Variants in NVL observed in about 807,000 individuals in gnomAD.
NVL encodes nuclear VCP like.
In NVL, 84 loss-of-function variants were observed where a neutral mutation model predicts 110.2. The ratio of observed to expected loss-of-function variants is 0.76; its 90% CI spans 0.64 to 0.91. The LOEUF (loss-of-function observed/expected upper bound fraction) is 0.91. Among genes scored for constraint, NVL ranks in the 40% least tolerant of loss-of-function variants. The pLI is 0.00. For synonymous variants in NVL, 354 were observed against 361.1 expected, an observed-to-expected ratio of 0.98 and a Z score of 0.22; for missense variants, 882 against 1,035.9, an observed-to-expected ratio of 0.85 and a Z score of 2.04.
intron 2 of NVL, among the ~76,000 whole-genome samples, chr1:224,325,211 G>T (rs1053304871): frequency 6.6e-6 from 1 of 151,186 alleles, no homozygotes; most frequent in African/African-American, 2.4e-5. Flanking sequence ...GCAGTGAGCC[G>T]AGATCGCGCC....
chr1:224,253,292 C>G (rs1662724220), intron 18 of NVL, among the ~76,000 whole-genome samples: 1 of 151,604 alleles, frequency 6.6e-6, no homozygotes, highest in Admixed American at 6.6e-5. Flanking sequence ...CCTCATGATC[C>G]ACCCGCCTTA....
intron 21 of NVL, 68 bp downstream of exon 21, chr1:224,233,133 C>A: frequency 7.4e-7 from 1 of 1,360,368 alleles, no homozygotes; most frequent in South Asian, 1.3e-5. Flanking sequence ...AGAAAATGGT[C>A]ATTTTCCAGG....
At chr1:224,285,926 T>G in intron 15 of NVL, 100 bp downstream of exon 15, 3 of 776,208 alleles carry the variant, frequency 3.9e-6, no homozygotes, top group Non-Finnish European at 6.0e-6. Flanking sequence ...TGATAAAAAT[T>G]ATGCATAAGA....
rs1368511798 is a variant in NVL, at chr1:224,227,376, G to A, written c.*250C>T. On this transcript the variant is annotated 3_prime_UTR_variant, in exon 23 of 23. Coordinates refer to ENST00000281701, the MANE Select transcript of NVL (RefSeq NM_002533.4). ...AAAGTAAAAGTTTTATTTGAAAAAT[G>A]TAACAGTCATTTTATTTCAGCAGTT... 4.9e-5 allele frequency: 15 copies of A among 305,238 alleles called. No homozygotes were observed. The highest frequency in any genetic ancestry group is 2.6e-4 in the African/African-American group (12 of 46,442). 18.9% of individuals were successfully genotyped at this position (305,238 alleles called of 1,614,324 possible).
chr1:224,227,543 G>T lies in NVL; in HGVS notation c.*83C>A. ...TTACATGAGGCCGCGCCTGTGTCCAGCTGAAAGTGGGTCCTTCAGAGCGTG... is the reference window on the plus strand; with the variant it reads ...TTACATGAGGCCGCGCCTGTGTCCATCTGAAAGTGGGTCCTTCAGAGCGTG... On this transcript the variant is annotated 3_prime_UTR_variant, in exon 23 of 23. Transcript: ENST00000281701. The T allele has an allele frequency of 7.9e-7, 1 of 1,262,896 alleles. No individual in the cohort carries two copies. Among genetic ancestry groups the T allele is most frequent in the Admixed American group, 2.0e-5 (1 of 49,122 alleles). The allele number at this position is 1,262,896 out of a possible 1,614,324, so 78.2% of individuals were successfully genotyped here.
chr1:224,268,849 G>A (rs1664760107), intron 17 of NVL, among the ~76,000 whole-genome samples: 1 of 151,426 alleles, frequency 6.6e-6, no homozygotes, highest in Admixed American at 6.6e-5. Flanking sequence ...GTAGAGATGC[G>A]GTTTCACCAC....
At chr1:224,326,258 G>A (rs1671134356) in intron 2 of NVL, 133 bp downstream of exon 2, 2 of 624,106 alleles carry the variant, frequency 3.2e-6, no homozygotes, top group Non-Finnish European at 5.7e-6. Context: ...ACTGAATTGA[G>A]TTCCAAGATT....
chr1:224,233,714 G>A (rs573587745), intron 20 of NVL, among the ~76,000 whole-genome samples: 2 of 152,134 alleles, frequency 1.3e-5, no homozygotes, highest in East Asian at 1.9e-4. Context: ...AGCCAAGATC[G>A]CACCACTGCA....
intron 19 of NVL, among the ~76,000 whole-genome samples, chr1:224,237,744 T>TTTTTTTTTA (rs56146959): frequency 1.3e-5 from 2 of 149,726 alleles, no homozygotes; most frequent in Non-Finnish European, 1.5e-5. Flanking sequence ...TTTTTTTTTT[T>TTTTTTTTTA]GAGACAGTCT....
Position 224,300,682 on chromosome 1 carries a change from G to T in NVL, c.961-19C>A. The stretch of plus-strand genomic sequence containing the variant: ...CAAGTTCCTATGCAGACACATAAAA[G>T]AATAACCAAATATTCAAATTTTAAT... On this transcript the variant is annotated intron_variant, in intron 9 of 22. Coordinates refer to ENST00000281701, the MANE Select transcript of NVL (RefSeq NM_002533.4). The T allele has an allele frequency of 1.3e-6, 2 of 1,578,096 alleles. No individual in the cohort carries two copies. Among genetic ancestry groups the T allele is most frequent in the Non-Finnish European group, 1.7e-6 (2 of 1,152,884 alleles).
At chr1:224,266,834 C>T (rs1487922663) in intron 18 of NVL, among the ~76,000 whole-genome samples, 3 of 152,178 alleles carry the variant, frequency 2.0e-5, no homozygotes, top group Non-Finnish European at 2.9e-5. Flanking sequence ...TGCTGTTTAA[C>T]ACCACTGTGG....
At chr1:224,314,034 T>C (rs1002423255) in intron 4 of NVL, among the ~76,000 whole-genome samples, 5 of 152,196 alleles carry the variant, frequency 3.3e-5, no homozygotes, top group African/African-American at 1.2e-4. Context: ...GATCAATATT[T>C]TGCCTATAAA....
chr1:224,307,437 C>G (rs1426377786), intron 6 of NVL, among the ~76,000 whole-genome samples: 1 of 152,182 alleles, frequency 6.6e-6, no homozygotes, highest in Non-Finnish European at 1.5e-5. Context: ...TGTGGTGGCT[C>G]ACGCCTACAA....
In NVL at chr1:224,289,692, G is replaced by T. The variant is rs1667192822; in HGVS notation, c.1367C>A (p.Ala456Asp). The T allele has an allele frequency of 1.2e-6, 2 of 1,614,176 alleles. No homozygotes were observed. The highest frequency in any genetic ancestry group is 1.7e-6 in the Non-Finnish European group (2 of 1,180,000). Residue 456 changes from alanine (A) to aspartate (D), a missense_variant, in exon 13 of 23, where the codon GCT becomes GAT. Physicochemically the swap from Ala to Asp is moderately radical, Grantham distance 126. Transcript: ENST00000281701. ...GTGTGCTAAGTGACAGAAATCAAAA[G>T]CTTGAGGAAGCCTCAGTTTTCTGCA... ...TLCRKLRLPQ[A>D]FDFCHLAHLT...
chr1:224,308,596 C>G (rs990670979), intron 5 of NVL, among the ~76,000 whole-genome samples: 2 of 149,984 alleles, frequency 1.3e-5, no homozygotes, highest in African/African-American at 4.9e-5. Flanking sequence ...GAGGCTGAGG[C>G]AGGAGAATCA....
rs1361389494 is a variant in NVL at position 224,250,101 on chromosome 1, C to T, written c.2289+111G>A. 3.8e-6 allele frequency: 4 copies of T among 1,064,490 alleles called. No individual in the cohort carries two copies. The African/African-American group carries it at 5.0e-5, about 13-fold the overall frequency. 65.9% of individuals were successfully genotyped at this position (1,064,490 alleles called of 1,614,324 possible). A position where few individuals can be genotyped will look rare whatever the true frequency, so the allele number is the denominator to read the frequency against. On this transcript the variant is annotated intron_variant, in intron 19 of 22. Coordinates refer to ENST00000281701, the MANE Select transcript of NVL (RefSeq NM_002533.4). ...CTTTGGGAGATATAGGCTGGGCAAA[C>T]ACAGCTACAGAAAAGAAAGTAATCA... is the stretch of plus-strand genomic sequence containing the variant.
At chr1:224,293,365 G>A (rs954074295) in intron 12 of NVL, among the ~76,000 whole-genome samples, 6 of 152,158 alleles carry the variant, frequency 3.9e-5, no homozygotes, top group African/African-American at 1.4e-4. Context: ...CACCGTGCCT[G>A]GCCCAGAACA....
chr1:224,239,871 C>T (rs1041260997), intron 19 of NVL, among the ~76,000 whole-genome samples: 7 of 152,024 alleles, frequency 4.6e-5, no homozygotes, highest in Non-Finnish European at 4.4e-5. Context: ...CATTGTGCAT[C>T]GCATCTTAGT....
chr1:224,237,281 C>A (rs1465584349), intron 19 of NVL, among the ~76,000 whole-genome samples: 1 of 152,128 alleles, frequency 6.6e-6, no homozygotes, highest in East Asian at 1.9e-4. Context: ...CTGAACCTGG[C>A]CAGGAGAGAA....
Sources: allele counts gnomAD v4.1 joint callset (sites outside exome capture counted in the v4.1 genomes callset), GRCh38; gene constraint gnomAD v4.1.1; transcripts MANE v1.5; gene names NCBI Gene and HGNC (gene_info 2026-07-23, HGNC 2026-07-21).